Variants in COL19A1 observed in about 807,000 individuals in gnomAD.
COL19A1 encodes collagen type XIX alpha 1 chain.
COL19A1 carries 159 observed loss-of-function variants against 190.2 expected under a neutral mutation model. The observed-to-expected ratio is 0.84, with a 90% CI of 0.73 to 0.95. The LOEUF (loss-of-function observed/expected upper bound fraction) is 0.95, where lower values mean the gene tolerates loss of function less well. COL19A1 is among the 40% of genes least tolerant of loss of function. The pLI, the probability that COL19A1 is intolerant of heterozygous loss-of-function variation, is 0.00. For missense variants in COL19A1, 1,418 were observed against 1,431.9 expected (o/e 0.99, Z 0.16); for synonymous variants, 509 against 458.9 (o/e 1.11, Z -1.39).
intron 9 of COL19A1, among the ~76,000 whole-genome samples, chr6:69,947,761 A>G (rs927493734): frequency 1.3e-5 from 2 of 151,816 alleles, no homozygotes; most frequent in Non-Finnish European, 2.9e-5. Flanking sequence ...ACCTTCATAA[A>G]TGTGTCTCTG....
intron 17 of COL19A1, among the ~76,000 whole-genome samples, chr6:70,123,071 T>C (rs528090822): frequency 6.6e-6 from 1 of 152,298 alleles, no homozygotes; most frequent in Admixed American, 6.5e-5. Context: ...GACAAAGGGC[T>C]AATATCCAGA....
At chr6:70,131,075 G>C (rs1249788698) in intron 18 of COL19A1, 1 of 461,884 alleles carries the variant, frequency 2.2e-6, no homozygotes, top group Non-Finnish European at 4.5e-6. Context: ...TAGCTGTAAA[G>C]ATGACAGATT....
chr6:70,041,355 C>T (rs1267799007), intron 14 of COL19A1, among the ~76,000 whole-genome samples: 1 of 152,092 alleles, frequency 6.6e-6, no homozygotes, highest in East Asian at 1.9e-4. Context: ...GATTCTTCAA[C>T]TTGATTTAAA....
intron 3 of COL19A1, among the ~76,000 whole-genome samples, chr6:69,899,446 C>G (rs1397665581): frequency 6.6e-6 from 1 of 152,048 alleles, no homozygotes; most frequent in Non-Finnish European, 1.5e-5. Flanking sequence ...AGCCACCATG[C>G]CCGACCCATA....
intron 17 of COL19A1, among the ~76,000 whole-genome samples, chr6:70,124,007 C>T (rs1331039136): frequency 5.4e-5 from 8 of 148,094 alleles, no homozygotes; most frequent in Non-Finnish European, 1.5e-5. Flanking sequence ...GGTTTATATA[C>T]ACAGTGGAAT....
chr6:70,000,902 G>T (rs1272562025), intron 11 of COL19A1, among the ~76,000 whole-genome samples: 2 of 152,062 alleles, frequency 1.3e-5, no homozygotes, highest in Non-Finnish European at 2.9e-5. Flanking sequence ...TTTGGCTTTT[G>T]TTGCAATTGC....
rs1561998415 is a variant in COL19A1, at chr6:69,921,458, T to TTC, written c.267-6451_267-6450insTC. ...TATCATATATATCATATATCATATA[T>TTC]ATCATATATATTCATATATTCATAT... On this transcript the variant is annotated intron_variant, in intron 4 of 50. Transcript: ENST00000620364. 9.2e-4 allele frequency among the ~76,000 whole-genome samples: 26 copies of TTC among 28,126 alleles called. No homozygotes were observed. The East Asian group carries it at 0.034, about 37-fold the overall frequency. 18.5% of individuals were successfully genotyped at this position (28,126 alleles called of 152,430 possible).
intron 16 of COL19A1, among the ~76,000 whole-genome samples, chr6:70,117,505 A>G (rs1258523782): frequency 6.6e-6 from 1 of 152,226 alleles, no homozygotes; most frequent in Non-Finnish European, 1.5e-5. Flanking sequence ...AAAAGCTGCT[A>G]GAACTATTGC....
At chr6:70,108,788 C>G (rs1038466099) in intron 16 of COL19A1, among the ~76,000 whole-genome samples, 1 of 152,064 alleles carries the variant, frequency 6.6e-6, no homozygotes, top group South Asian at 2.1e-4. Flanking sequence ...TTTTCTAAAA[C>G]AAGTCTGATT....
Position 69,882,275 on chromosome 6 carries a change from A to G in COL19A1, c.91+2617A>G, listed in dbSNP as rs139636016. On this transcript the variant is annotated intron_variant, in intron 2 of 50. Coordinates refer to ENST00000620364, the MANE Select transcript of COL19A1 (RefSeq NM_001858.6). ...TTTTAAAATTTTGAAGGTATTAGGAATTCAGTCATTTCATATTCTTTCGTC... is the reference window on the plus strand; with the variant it reads ...TTTTAAAATTTTGAAGGTATTAGGAGTTCAGTCATTTCATATTCTTTCGTC... Among the ~76,000 whole-genome samples the G allele has an allele frequency of 9.0e-3, 1,367 of 152,298 alleles. 22 individuals carry two copies. Among genetic ancestry groups the G allele is most frequent in the African/African-American group, 0.031 (1,305 of 41,552 alleles).
chr6:70,077,685 CTGT>C (rs67473372), intron 15 of COL19A1, among the ~76,000 whole-genome samples: 28,965 of 151,958 alleles, frequency 0.19, 3,961 homozygotes, highest in African/African-American at 0.36. Context: ...CTAGAAAGGA[CTGT>C]TGTTTGTATT....
At chr6:69,980,725 C>T (rs1007623743) in intron 11 of COL19A1, among the ~76,000 whole-genome samples, 24 of 152,270 alleles carry the variant, frequency 1.6e-4, no homozygotes, top group Admixed American at 1.4e-3. Context: ...ATAGGCAGCT[C>T]GCTAAAGAGA....
intron 16 of COL19A1, among the ~76,000 whole-genome samples, chr6:70,102,490 G>T (rs773057359): frequency 6.6e-6 from 1 of 152,140 alleles, no homozygotes; most frequent in Non-Finnish European, 1.5e-5. Context: ...AGTAGTGTCT[G>T]CTTGAACATC....
At chr6:69,933,690 G>A (rs1335361549) in intron 7 of COL19A1, among the ~76,000 whole-genome samples, 1 of 151,900 alleles carries the variant, frequency 6.6e-6, no homozygotes, top group Admixed American at 6.6e-5. Context: ...TCAGTGTAAT[G>A]GCCGTGTGTG....
intron 15 of COL19A1, among the ~76,000 whole-genome samples, chr6:70,068,855 T>C (rs1781398536): frequency 6.6e-6 from 1 of 152,140 alleles, no homozygotes; most frequent in Non-Finnish European, 1.5e-5. Flanking sequence ...AATTAAATTA[T>C]TGACTTCACT....
intron 11 of COL19A1, among the ~76,000 whole-genome samples, chr6:69,983,084 A>G (rs1776138265): frequency 1.3e-5 from 2 of 151,954 alleles, no homozygotes; most frequent in Admixed American, 6.6e-5. Flanking sequence ...GAGATTTTGA[A>G]TGAATTTTCT....
chr6:69,935,197 T>C (rs1441707159), intron 7 of COL19A1, among the ~76,000 whole-genome samples: 3 of 152,028 alleles, frequency 2.0e-5, no homozygotes, highest in East Asian at 1.9e-4. Context: ...AGAAATGTGG[T>C]TAAATTTTTA....
At chr6:70,041,927 A>T (rs562406434) in intron 14 of COL19A1, among the ~76,000 whole-genome samples, 3 of 152,008 alleles carry the variant, frequency 2.0e-5, no homozygotes, top group African/African-American at 7.2e-5. Flanking sequence ...AAATAGCCGG[A>T]TTTGGTGATG....
At chr6:70,134,952 G>A (rs1463560497) in intron 18 of COL19A1, among the ~76,000 whole-genome samples, 2 of 146,950 alleles carry the variant, frequency 1.4e-5, no homozygotes, top group East Asian at 3.9e-4. Context: ...CACTTCATAT[G>A]CCAATCGAAA....
Sources: allele counts gnomAD v4.1 joint callset (sites outside exome capture counted in the v4.1 genomes callset), GRCh38; gene constraint gnomAD v4.1.1; transcripts MANE v1.5; gene names NCBI Gene and HGNC (gene_info 2026-07-23, HGNC 2026-07-21).